OSBPL6: variants seen among roughly 807,000 people sequenced by gnomAD.
OSBPL6 encodes the protein oxysterol-binding protein-related protein 6.
OSBPL6 carries 49 observed loss-of-function variants against 125.8 expected under a neutral mutation model. That is an observed-to-expected ratio of 0.39 (90% CI 0.31 to 0.49). The LOEUF is 0.49. Among genes scored for constraint, OSBPL6 ranks in the 20% least tolerant of loss-of-function variants. The pLI is 0.88. For missense variants in OSBPL6, 986 were observed against 1,135.4 expected (o/e 0.87, Z 1.89); for synonymous variants, 394 against 391.8 (o/e 1.01, Z -0.07).
intron 22 of OSBPL6, 148 bp from the exon 23 acceptor site, chr2:178,392,264 C>A: frequency 1.1e-6 from 1 of 892,800 alleles, no homozygotes; most frequent in Non-Finnish European, 1.7e-6. Flanking sequence ...GGAATACCAC[C>A]AATTTAATTC....
intron 2 of OSBPL6, among the ~76,000 whole-genome samples, chr2:178,296,815 C>T (rs1685797844): frequency 6.6e-6 from 1 of 152,206 alleles, no homozygotes; most frequent in Non-Finnish European, 1.5e-5. Context: ...TCAGCTGTTC[C>T]TTCTCTCATG....
chr2:178,320,512 A>T, intron 3 of OSBPL6: 4 of 1,154,806 alleles, frequency 3.5e-6, no homozygotes, highest in Non-Finnish European at 5.0e-6. Flanking sequence ...AAGAATAATT[A>T]ACTGGTTTAC....
intron 1 of OSBPL6, among the ~76,000 whole-genome samples, chr2:178,214,790 T>A (rs334023): frequency 0.27 from 40,180 of 150,850 alleles, 5,875 homozygotes; most frequent in African/African-American, 0.4. Flanking sequence ...TTAAAAAAAA[T>A]TTTTTTTTTA....
intron 16 of OSBPL6, 99 bp from the exon 17 acceptor site, chr2:178,382,925 A>C (rs939164570): frequency 3.3e-6 from 5 of 1,512,188 alleles, no homozygotes; most frequent in Non-Finnish European, 4.4e-6. Flanking sequence ...AGACTCATGA[A>C]AGGTCTCAAA....
intron 15 of OSBPL6, among the ~76,000 whole-genome samples, chr2:178,375,601 T>C (rs1434936440): frequency 1.3e-5 from 2 of 152,082 alleles, no homozygotes; most frequent in African/African-American, 4.8e-5. Flanking sequence ...TTTGTTTTTT[T>C]TAGTAGAGAC....
At chr2:178,263,047 A>G (rs2092111981) in intron 1 of OSBPL6, among the ~76,000 whole-genome samples, 1 of 152,150 alleles carries the variant, frequency 6.6e-6, no homozygotes, top group Non-Finnish European at 1.5e-5. Context: ...CAAATTTATC[A>G]TGGAAATGGG....
At chr2:178,224,104 T>C (rs987676763) in intron 1 of OSBPL6, among the ~76,000 whole-genome samples, 8 of 152,076 alleles carry the variant, frequency 5.3e-5, no homozygotes, top group African/African-American at 1.7e-4. Flanking sequence ...TTAGGACACT[T>C]GGTTAATATT....
In OSBPL6 at chr2:178,395,771, TTAAA is replaced by T; in HGVS notation, c.*213_*216del. 3.4e-6 allele frequency: 1 copy of T among 291,046 alleles called. No individual in the cohort carries two copies. Among genetic ancestry groups the T allele is most frequent in the African/African-American group, 4.1e-5 (1 of 24,256 alleles). The allele number at this position is 291,046 out of a possible 1,614,324, so 18.0% of individuals were successfully genotyped here. A position where few individuals can be genotyped will look rare whatever the true frequency, so the allele number is the denominator to read the frequency against. ...TTCTGTTTTGCTGCAACCATATTCCTTAAAAAAAAAAAAAAAAAAAAAAAAAAAA... is the reference window on the plus strand; with the variant it reads ...TTCTGTTTTGCTGCAACCATATTCCTAAAAAAAAAAAAAAAAAAAAAAAAA... On this transcript the variant is annotated 3_prime_UTR_variant, in exon 25 of 25. Coordinates refer to ENST00000190611, the MANE Select transcript of OSBPL6 (RefSeq NM_032523.4).
chr2:178,347,317 T>G (rs914815093), intron 11 of OSBPL6, among the ~76,000 whole-genome samples: 2 of 152,134 alleles, frequency 1.3e-5, no homozygotes, highest in African/African-American at 4.8e-5. Context: ...TCCATGATCC[T>G]CAACATATTA....
chr2:178,198,924 T>C, intron 1 of OSBPL6, among the ~76,000 whole-genome samples: 1 of 152,364 alleles, frequency 6.6e-6, no homozygotes, highest in Middle Eastern at 3.4e-3. Flanking sequence ...TTTTCAAGTA[T>C]TAAGCATTCA....
At chr2:178,273,329 C>T (rs1470091619) in intron 1 of OSBPL6, among the ~76,000 whole-genome samples, 1 of 152,150 alleles carries the variant, frequency 6.6e-6, no homozygotes, top group African/African-American at 2.4e-5. Flanking sequence ...TGGCACATTC[C>T]TGTAGTCCCA....
intron 12 of OSBPL6, among the ~76,000 whole-genome samples, chr2:178,351,674 A>G: frequency 6.6e-6 from 1 of 152,218 alleles, no homozygotes; most frequent in Non-Finnish European, 1.5e-5. Flanking sequence ...AAAGAACAAG[A>G]TCACGTGTTT....
In OSBPL6 at chr2:178,394,381, C is replaced by G. The variant is rs1405695404; in HGVS notation, c.2642C>G (p.Ser881Cys). 4 of 1,613,232 alleles carry G rather than the reference C, an allele frequency of 2.5e-6. No homozygotes were observed. The highest frequency in any genetic ancestry group is 1.6e-4 in the Middle Eastern group (1 of 6,084). Residue 881 changes from serine to cysteine, a missense_variant, in exon 24 of 25, where the codon TCT becomes TGT. By Grantham distance (112) the Ser-to-Cys change is moderately radical (BLOSUM62 -1). Transcript: ENST00000190611. Reference sequence around the variant, plus strand: ...CAAAGAGTAGAGGAACTCCAGAGATCTCGGAGACGATATATGGAAGAAAAC... The same window carrying G: ...CAAAGAGTAGAGGAACTCCAGAGATGTCGGAGACGATATATGGAAGAAAAC... ...EKQRVEELQRSRRRYMEENNL... is the reference protein window; with the variant it reads ...EKQRVEELQRCRRRYMEENNL...
At chr2:178,387,242 C>A in intron 20 of OSBPL6, 103 bp downstream of exon 20, 1 of 882,588 alleles carries the variant, frequency 1.1e-6, no homozygotes. Flanking sequence ...TCTCTTTATA[C>A]CCAAACTTCT....
chr2:178,283,162 A>G (rs1385116447), intron 1 of OSBPL6, among the ~76,000 whole-genome samples: 2 of 152,242 alleles, frequency 1.3e-5, no homozygotes, highest in African/African-American at 4.8e-5. Flanking sequence ...GGTACACGGA[A>G]TCGTCTTACA....
chr2:178,346,878 A>G (rs768298684), intron 11 of OSBPL6, among the ~76,000 whole-genome samples: 3 of 152,232 alleles, frequency 2.0e-5, no homozygotes, highest in African/African-American at 7.2e-5. Flanking sequence ...AACAAAAAAA[A>G]GTATACCAAT....
intron 3 of OSBPL6, among the ~76,000 whole-genome samples, 175 bp from the exon 4 acceptor site, chr2:178,324,002 A>G (rs1037801202): frequency 1.3e-5 from 2 of 152,180 alleles, no homozygotes; most frequent in African/African-American, 4.8e-5. Flanking sequence ...AGGAGGGGAA[A>G]ATCCTGTGCC....
chr2:178,298,784 T>C (rs940466179), intron 2 of OSBPL6, among the ~76,000 whole-genome samples: 3 of 151,594 alleles, frequency 2.0e-5, no homozygotes, highest in African/African-American at 7.3e-5. Context: ...CAAGGGTTGG[T>C]TCAAGGACAT....
intron 1 of OSBPL6, among the ~76,000 whole-genome samples, chr2:178,284,628 T>C (rs147954415): frequency 1.2e-4 from 18 of 152,350 alleles, no homozygotes; most frequent in South Asian, 4.1e-4. Flanking sequence ...TCCTGGAGAA[T>C]ATATTTTGTC....
Sources: gnomAD v4.1 joint callset for allele counts (sites outside exome capture counted in the v4.1 genomes callset) on GRCh38, gnomAD v4.1.1 for gene constraint, MANE v1.5 for transcripts, NCBI Gene and HGNC (gene_info 2026-07-23, HGNC 2026-07-21) for gene names.